The following SORCS2 variants were observed in gnomAD, a reference collection of about 807,000 sequenced individuals.
The protein encoded by SORCS2 is sortilin related VPS10 domain containing receptor 2, also known as VPS10 domain-containing receptor SorCS2.
SORCS2 carries 100 observed loss-of-function variants against 141.6 expected under a neutral mutation model. The ratio of observed to expected loss-of-function variants is 0.71; its 90% confidence interval spans 0.60 to 0.83. The LOEUF (loss-of-function observed/expected upper bound fraction) is 0.83. Ranked by LOEUF, SORCS2 falls within the 40% of genes least tolerant of loss-of-function variation. The pLI is 0.00. For synonymous variants in SORCS2, 789 were observed against 676.9 expected (o/e 1.17, Z -2.57); for missense variants, 1,646 against 1,560.2 (o/e 1.05, Z -0.93).
Position 7,664,609 on chromosome 4 carries a change from G to T in SORCS2, c.1071+138G>T. 1.5e-6 allele frequency: 1 copy of T among 647,148 alleles called. No individual in the cohort carries two copies. Among genetic ancestry groups the T allele is most frequent in the South Asian group, 2.0e-5 (1 of 49,686 alleles). 40.1% of individuals were successfully genotyped at this position (647,148 alleles called of 1,614,324 possible). A position where few individuals can be genotyped will look rare whatever the true frequency, so the allele number is the denominator to read the frequency against. On this transcript the variant is annotated intron_variant, in intron 7 of 26. Coordinates refer to ENST00000507866, the MANE Select transcript of SORCS2 (RefSeq NM_020777.3). This position sits in a 1 kb window ranked among gnomAD's most constrained non-coding sequence, Gnocchi z 4.7. ...TCTCAAATGCTACTTCGCAGGTCACGGTTTCTGACCGTGGCTGTGGCTGCA... is the reference window on the plus strand; with the variant it reads ...TCTCAAATGCTACTTCGCAGGTCACTGTTTCTGACCGTGGCTGTGGCTGCA...
chr4:7,632,145 A>G (rs994295327), intron 3 of SORCS2, among the ~76,000 whole-genome samples: 3 of 152,172 alleles, frequency 2.0e-5, no homozygotes, highest in South Asian at 2.1e-4. Flanking sequence ...TCACCTGACC[A>G]TGTGTCTGCC....
At chr4:7,218,768 A>T (rs1380743961) in intron 1 of SORCS2, among the ~76,000 whole-genome samples, 2 of 152,222 alleles carry the variant, frequency 1.3e-5, no homozygotes, top group African/African-American at 4.8e-5. Flanking sequence ...TCCCGATAGG[A>T]ATGTCAGGAC....
At chr4:7,424,062 C>T (rs1356829393) in intron 2 of SORCS2, among the ~76,000 whole-genome samples, 4 of 152,162 alleles carry the variant, frequency 2.6e-5, no homozygotes, top group South Asian at 2.1e-4. Context: ...GCTTACCCAG[C>T]GGAGAGTGGG....
chr4:7,682,808 A>C lies in SORCS2; in HGVS notation c.1407A>C (p.Ile469=), dbSNP rs1231001290. 1.9e-6 allele frequency: 3 copies of C among 1,612,868 alleles called. No homozygotes were observed. Among genetic ancestry groups the C allele is most frequent in the Non-Finnish European group, 2.5e-6 (3 of 1,179,462 alleles). The stretch of plus-strand genomic sequence containing the variant: ...TTGATGGGAAAGTGATGACGCTTAT[A>C]ACCTACAACAAGGGCCGCGACTGGG... ...QKIDGKVMTL[I]TYNKGRDWDY... Residue 469 remains isoleucine (I), a synonymous_variant, in exon 10 of 27, where the codon ATA becomes ATC. Transcript: ENST00000507866.
intron 2 of SORCS2, chr4:7,431,017 G>C (rs575319026): frequency 1.3e-5 from 2 of 152,402 alleles, no homozygotes; most frequent in African/African-American, 4.8e-5. Context: ...CTTGGTTCCG[G>C]GCACAGGGGA....
At chr4:7,434,950 G>C (rs1727196434) in intron 2 of SORCS2, 1 of 1,455,272 alleles carries the variant, frequency 6.9e-7, no homozygotes, top group Admixed American at 2.7e-5. Flanking sequence ...TCTCCTGCCT[G>C]GCCCCAGAGG....
intron 3 of SORCS2, among the ~76,000 whole-genome samples, chr4:7,580,704 CCTT>C: frequency 6.6e-6 from 1 of 152,240 alleles, no homozygotes; most frequent in South Asian, 2.1e-4. Flanking sequence ...ATGGAGCTGT[CCTT>C]GGGGGAGATG....
At chr4:7,635,727 C>T (rs569730105) in intron 3 of SORCS2, among the ~76,000 whole-genome samples, 21 of 152,206 alleles carry the variant, frequency 1.4e-4, no homozygotes, top group South Asian at 1.0e-3. Flanking sequence ...TTTTTTCCTA[C>T]GGATAAACCA....
chr4:7,305,035 T>TCA (rs139906409), intron 1 of SORCS2, among the ~76,000 whole-genome samples: 2 of 146,730 alleles, frequency 1.4e-5, no homozygotes, highest in Non-Finnish European at 3.0e-5. Flanking sequence ...TGGCTCTTCT[T>TCA]TTTTTTTTTT....
At chr4:7,284,935 T>C (rs1456289105) in intron 1 of SORCS2, among the ~76,000 whole-genome samples, 1 of 152,128 alleles carries the variant, frequency 6.6e-6, no homozygotes, top group Admixed American at 6.5e-5. Context: ...TCTGCCTTTG[T>C]CTCCATATGG....
At chr4:7,204,833 C>T (rs902326202) in intron 1 of SORCS2, among the ~76,000 whole-genome samples, 2 of 152,200 alleles carry the variant, frequency 1.3e-5, no homozygotes, top group African/African-American at 4.8e-5. Flanking sequence ...CAGAAATAGG[C>T]TGGTCTGGTG....
chr4:7,308,549 G>A (rs1199675471), intron 1 of SORCS2, among the ~76,000 whole-genome samples: 2 of 152,122 alleles, frequency 1.3e-5, no homozygotes, highest in Non-Finnish European at 2.9e-5. Context: ...CTGAGCACTG[G>A]TGGGTTTGGT....
chr4:7,440,219 G>A (rs965607079), intron 2 of SORCS2, among the ~76,000 whole-genome samples: 1 of 152,228 alleles, frequency 6.6e-6, no homozygotes, highest in Non-Finnish European at 1.5e-5. Context: ...GGAGGAGGCT[G>A]CGTTGCAGGT....
rs373108910 is a variant in SORCS2 at position 7,433,557 on chromosome 4, G to A, written c.548+37202G>A. The A allele has an allele frequency of 4.8e-5, 78 of 1,611,034 alleles. No homozygotes were observed. In the African/African-American group the frequency reaches 8.7e-4, roughly 18 times the overall value. Reference sequence around the variant, plus strand: ...TGAGCACGGGCTCGTACTGGGTGACGAAGTGCTTGCACTGGATCATATAGG... The same window carrying A: ...TGAGCACGGGCTCGTACTGGGTGACAAAGTGCTTGCACTGGATCATATAGG... On this transcript the variant is annotated intron_variant, in intron 2 of 26. Coordinates refer to ENST00000507866, the MANE Select transcript of SORCS2 (RefSeq NM_020777.3).
At chr4:7,277,313 A>G (rs1359463837) in intron 1 of SORCS2, among the ~76,000 whole-genome samples, 1 of 152,056 alleles carries the variant, frequency 6.6e-6, no homozygotes, top group Non-Finnish European at 1.5e-5. Flanking sequence ...CTGGCTGCAA[A>G]TGGTCATCCC....
intron 11 of SORCS2, among the ~76,000 whole-genome samples, chr4:7,693,721 GTGCTGCTGGCTTGACTC>G (rs1367782126): frequency 6.6e-6 from 1 of 152,258 alleles, no homozygotes; most frequent in Non-Finnish European, 1.5e-5. Flanking sequence ...AGCCTGCCCT[GTGCTGCTGGCTTGACTC>G]AGGGAACTGA....
At chr4:7,203,141 C>A (rs547250718) in intron 1 of SORCS2, among the ~76,000 whole-genome samples, 2 of 152,306 alleles carry the variant, frequency 1.3e-5, no homozygotes, top group African/African-American at 4.8e-5. Flanking sequence ...TTTTAAAATT[C>A]TTTTTGCTGG....
intron 2 of SORCS2, among the ~76,000 whole-genome samples, chr4:7,449,281 CCCTT>C (rs1459186206): frequency 4.0e-4 from 2 of 4,952 alleles, no homozygotes; most frequent in Non-Finnish European, 1.1e-3. Context: ...CTTCCTCCCT[CCCTT>C]CCTCCCTCCC....
At chr4:7,410,498 C>G (rs568892431) in intron 2 of SORCS2, among the ~76,000 whole-genome samples, 155 of 152,280 alleles carry the variant, frequency 1.0e-3, no homozygotes, top group Non-Finnish European at 2.0e-3. Flanking sequence ...ACATTCAGAC[C>G]TCATTGTAGA....
Sources: allele counts gnomAD v4.1 joint callset (sites outside exome capture counted in the v4.1 genomes callset), GRCh38; gene constraint gnomAD v4.1.1; non-coding constraint Gnocchi (gnomAD v3.1); transcripts MANE v1.5; gene names NCBI Gene and HGNC (gene_info 2026-07-23, HGNC 2026-07-21).